The following DOCK3 variants were observed in gnomAD, a reference collection of about 807,000 sequenced individuals.
DOCK3 encodes dedicator of cytokinesis protein 3.
DOCK3 carries 60 observed loss-of-function variants against 265.6 expected under a neutral mutation model. That is an observed-to-expected ratio of 0.23 (90% CI 0.18 to 0.28). The LOEUF is 0.28. Ranked by LOEUF, DOCK3 falls within the 10% of genes least tolerant of loss-of-function variation. DOCK3 has a pLI of 1.00. For missense variants in DOCK3, 1,981 were observed against 2,594.3 expected (o/e 0.76, Z 5.14); for synonymous variants, 881 against 938.0 (o/e 0.94, Z 1.11).
At chr3:50,849,474 A>G (rs1313528659) in intron 3 of DOCK3, among the ~76,000 whole-genome samples, 2 of 152,016 alleles carry the variant, frequency 1.3e-5, no homozygotes, top group Admixed American at 6.6e-5. Context: ...TATTATTTTG[A>G]GACAGGGTCT....
intron 49 of DOCK3, 115 bp downstream of exon 49, chr3:51,362,789 C>T (rs1165440681): frequency 4.2e-6 from 6 of 1,411,982 alleles, no homozygotes; most frequent in African/African-American, 1.4e-5. Context: ...TTAGAGAATA[C>T]TCATTTGTGC....
At chr3:51,177,100 A>T (rs927723359) in intron 12 of DOCK3, among the ~76,000 whole-genome samples, 1 of 152,226 alleles carries the variant, frequency 6.6e-6, no homozygotes, top group Non-Finnish European at 1.5e-5. Context: ...GTCAGGCTTT[A>T]TCATTTTACA....
At chr3:51,137,238 C>A (rs1236438360) in intron 9 of DOCK3, among the ~76,000 whole-genome samples, 2 of 152,090 alleles carry the variant, frequency 1.3e-5, no homozygotes, top group African/African-American at 4.8e-5. Flanking sequence ...TAGATATTTC[C>A]TACTCTGTTG....
At chr3:50,972,554 T>C (rs1404054405) in intron 5 of DOCK3, among the ~76,000 whole-genome samples, 1 of 152,220 alleles carries the variant, frequency 6.6e-6, no homozygotes, top group Non-Finnish European at 1.5e-5. Context: ...GGTGCCCCTT[T>C]GGCGGGTTGC....
intron 5 of DOCK3, among the ~76,000 whole-genome samples, chr3:51,055,162 T>G (rs2081150932): frequency 6.6e-6 from 1 of 152,224 alleles, no homozygotes; most frequent in East Asian, 1.9e-4. Flanking sequence ...TCCCCTGGGC[T>G]GAGTTTTCCT....
intron 1 of DOCK3, among the ~76,000 whole-genome samples, chr3:50,678,818 TTC>T: frequency 6.6e-6 from 1 of 152,098 alleles, no homozygotes. Context: ...ATTTTTTTTT[TTC>T]TTTTTTTGAG....
At chr3:51,301,449 C>T (rs1272447718) in intron 27 of DOCK3, among the ~76,000 whole-genome samples, 5 of 151,450 alleles carry the variant, frequency 3.3e-5, no homozygotes, top group Admixed American at 6.6e-5. Context: ...CTTCTGCTAG[C>T]TTTTGGGTTT....
chr3:50,984,299 T>A (rs1049979408), intron 5 of DOCK3, among the ~76,000 whole-genome samples: 1 of 152,228 alleles, frequency 6.6e-6, no homozygotes. Context: ...CTTTCTCATT[T>A]GTTTGCTTGC....
intron 6 of DOCK3, among the ~76,000 whole-genome samples, chr3:51,073,786 C>G (rs1016746918): frequency 6.6e-6 from 1 of 151,852 alleles, no homozygotes; most frequent in African/African-American, 2.4e-5. Flanking sequence ...TTTTTTCTTG[C>G]CTGCTAGAAA....
rs1004996167 is a variant in DOCK3, at chr3:50,857,340, C to G, written c.162+15625C>G. Among the ~76,000 whole-genome samples the G allele has an allele frequency of 2.6e-5, 4 of 152,100 alleles. No individual in the cohort carries two copies. In the East Asian group the frequency reaches 5.8e-4, roughly 22 times the overall value. ...CTTGGTAGGTTTTTTATTACTGATT[C>G]AATTTTTAAACTTCATATTGGTCTG... On this transcript the variant is annotated intron_variant, in intron 3 of 52. Transcript: ENST00000266037.
intron 5 of DOCK3, among the ~76,000 whole-genome samples, chr3:51,051,945 G>A (rs2081008451): frequency 6.6e-6 from 1 of 152,052 alleles, no homozygotes; most frequent in Non-Finnish European, 1.5e-5. Flanking sequence ...ATGGGGCTAA[G>A]CCATTCATGA....
intron 6 of DOCK3, among the ~76,000 whole-genome samples, chr3:51,073,708 G>A (rs1042122546): frequency 1.3e-5 from 2 of 151,726 alleles, no homozygotes; most frequent in African/African-American, 4.8e-5. Context: ...TTTAATTAGT[G>A]GATAATAGAA....
At chr3:51,024,735 G>T (rs1238565390) in intron 5 of DOCK3, among the ~76,000 whole-genome samples, 1 of 152,200 alleles carries the variant, frequency 6.6e-6, no homozygotes, top group African/African-American at 2.4e-5. Flanking sequence ...CAGTCATCCT[G>T]AATTGTTCCC....
At chr3:51,132,346 G>A (rs151047857) in intron 9 of DOCK3, among the ~76,000 whole-genome samples, 1 of 152,102 alleles carries the variant, frequency 6.6e-6, no homozygotes, top group Non-Finnish European at 1.5e-5. Context: ...TTCAAGTGTA[G>A]CACACCTCCT....
rs146000863 is a variant in DOCK3, at chr3:51,361,916, G to A, written c.5064G>A (p.Ala1688=). The change falls in exon 48 of 53, where the codon GCG becomes GCA. Residue 1688 remains alanine (A), a synonymous_variant. Transcript: ENST00000266037. This position sits in a 1 kb window ranked among gnomAD's most constrained non-coding sequence, Gnocchi z 4.2. Reference sequence around the variant, plus strand: ...CATCATCCTCTCTCTCCTCACATGCGTCTAGTGAAGCAGGAAACATGGTGA... The same window carrying A: ...CATCATCCTCTCTCTCCTCACATGCATCTAGTGAAGCAGGAAACATGGTGA... ...RHSSSSLSSH[A]SSEAGNMVML... 2.9e-3 allele frequency: 4,686 copies of A among 1,613,084 alleles called. 15 individuals carry two copies. The highest frequency in any genetic ancestry group is 3.4e-3 in the Admixed American group (201 of 59,890).
At chr3:50,874,543 G>A (rs930237694) in intron 3 of DOCK3, among the ~76,000 whole-genome samples, 4 of 151,102 alleles carry the variant, frequency 2.6e-5, no homozygotes, top group Non-Finnish European at 5.9e-5. Context: ...AAAAAGTATA[G>A]GCATTTTAAC....
intron 23 of DOCK3, among the ~76,000 whole-genome samples, chr3:51,263,246 A>C (rs1363490244): frequency 6.6e-6 from 1 of 152,240 alleles, no homozygotes; most frequent in African/African-American, 2.4e-5. Context: ...ACAAACCAGA[A>C]GAGAGTGGGG....
chr3:51,323,892 C>G (rs2083909457), intron 32 of DOCK3, among the ~76,000 whole-genome samples: 1 of 152,104 alleles, frequency 6.6e-6, no homozygotes, highest in African/African-American at 2.4e-5. Context: ...TCAATGAATC[C>G]AGGAGCTGGT....
chr3:50,846,172 G>A (rs992000334), intron 3 of DOCK3, among the ~76,000 whole-genome samples: 1 of 152,076 alleles, frequency 6.6e-6, no homozygotes, highest in Admixed American at 6.5e-5. Context: ...AGAGGAACTG[G>A]CAAAAAAAGA....
Sources: allele counts gnomAD v4.1 joint callset (sites outside exome capture counted in the v4.1 genomes callset), GRCh38; gene constraint gnomAD v4.1.1; non-coding constraint Gnocchi (gnomAD v3.1); transcripts MANE v1.5; gene names NCBI Gene and HGNC (gene_info 2026-07-23, HGNC 2026-07-21).